The following FOXP1 variants were observed in gnomAD, a reference collection of about 807,000 sequenced individuals.
FOXP1 encodes forkhead box P1.
Under a neutral mutation model 98.2 loss-of-function variants are expected in FOXP1, and 15 were observed. The ratio of observed to expected loss-of-function variants is 0.15; its 90% CI spans 0.10 to 0.24. The LOEUF (loss-of-function observed/expected upper bound fraction) is 0.24. Among genes scored for constraint, FOXP1 ranks in the 10% least tolerant of loss-of-function variants. FOXP1 has a pLI of 1.00. For missense variants in FOXP1, 633 were observed against 848.5 expected (o/e 0.75, Z 3.15); for synonymous variants, 371 against 314.5 (o/e 1.18, Z -1.90).
chr3:71,541,017 C>A (rs2044762530), intron 2 of FOXP1, among the ~76,000 whole-genome samples: 1 of 152,200 alleles, frequency 6.6e-6, no homozygotes, highest in South Asian at 2.1e-4. Flanking sequence ...TTTCCTGCAG[C>A]CACTGAGGCA....
At chr3:71,142,827 A>G (rs2060133124) in intron 6 of FOXP1, among the ~76,000 whole-genome samples, 2 of 152,244 alleles carry the variant, frequency 1.3e-5, no homozygotes, top group Admixed American at 1.3e-4. Context: ...GTTATGCAAC[A>G]ACAAAAAACT....
chr3:71,514,405 C>A (rs910179837), intron 2 of FOXP1, among the ~76,000 whole-genome samples: 1 of 152,182 alleles, frequency 6.6e-6, no homozygotes, highest in Non-Finnish European at 1.5e-5. Flanking sequence ...TCCTGCACAC[C>A]CCTTCTAACC....
At chr3:71,314,694 G>A (rs1665992682) in intron 4 of FOXP1, among the ~76,000 whole-genome samples, 1 of 152,012 alleles carries the variant, frequency 6.6e-6, no homozygotes, top group African/African-American at 2.4e-5. Flanking sequence ...GTAGGTATAA[G>A]ATTGGGGTCT....
intron 4 of FOXP1, among the ~76,000 whole-genome samples, chr3:71,330,243 G>A (rs556892660): frequency 2.6e-5 from 4 of 152,052 alleles, no homozygotes; most frequent in Non-Finnish European, 4.4e-5. Context: ...TTGGGCAAAG[G>A]TTTTCTTAAC....
chr3:71,460,260 G>T (rs1184220447), intron 3 of FOXP1, among the ~76,000 whole-genome samples: 1 of 151,208 alleles, frequency 6.6e-6, no homozygotes, highest in East Asian at 1.9e-4. Context: ...TTTGTTTTTT[G>T]TGACAGTCTC....
intron 7 of FOXP1, among the ~76,000 whole-genome samples, chr3:71,070,327 C>G (rs1053558309): frequency 2.0e-5 from 3 of 152,144 alleles, no homozygotes; most frequent in Non-Finnish European, 4.4e-5. Context: ...ACCTGTATTA[C>G]TGTTGGGCAT....
Position 71,440,592 on chromosome 3 carries a change from C to T in FOXP1, c.-168+52834G>A, listed in dbSNP as rs114035370. Among the ~76,000 whole-genome samples the T allele has an allele frequency of 1.0e-2, 1,514 of 151,588 alleles. 26 individuals are homozygous for T. The highest frequency in any genetic ancestry group is 0.034 in the African/African-American group (1,411 of 41,278). On this transcript the variant is annotated intron_variant, in intron 3 of 20. Coordinates refer to ENST00000649528, the MANE Select transcript of FOXP1 (RefSeq NM_001349338.3). ...ACTTGGGAGCCTGAGGCAGAAGAAT[C>T]GGCTGAGGCAGAAGAATCACTTGAA...
chr3:71,475,929 GGA>G (rs1221073789), intron 3 of FOXP1, among the ~76,000 whole-genome samples: 1 of 150,918 alleles, frequency 6.6e-6, no homozygotes, highest in East Asian at 1.9e-4. Flanking sequence ...ACCTCTTCAT[GGA>G]GATCCACCAG....
chr3:71,044,302 T>G (rs932687810), intron 10 of FOXP1, among the ~76,000 whole-genome samples: 2 of 152,228 alleles, frequency 1.3e-5, no homozygotes, highest in African/African-American at 4.8e-5. Context: ...GCCAAGCATG[T>G]AATTTTCTGC....
chr3:71,212,884 A>G (rs2064598735), intron 5 of FOXP1, among the ~76,000 whole-genome samples: 1 of 151,846 alleles, frequency 6.6e-6, no homozygotes, highest in Non-Finnish European at 1.5e-5. Context: ...AGATTGTATC[A>G]TTTCAGAAAA....
intron 5 of FOXP1, among the ~76,000 whole-genome samples, chr3:71,235,669 C>T (rs1417621135): frequency 1.3e-5 from 2 of 152,062 alleles, no homozygotes; most frequent in African/African-American, 4.8e-5. Flanking sequence ...CAGGTTCAAG[C>T]GATTCTCCTA....
chr3:71,505,719 C>T (rs1211039705), intron 2 of FOXP1, among the ~76,000 whole-genome samples: 1 of 152,108 alleles, frequency 6.6e-6, no homozygotes, highest in Non-Finnish European at 1.5e-5. Context: ...GCCACTGCGC[C>T]CAGCCCTGAA....
At chr3:71,400,850 A>T (rs185399739) in intron 3 of FOXP1, among the ~76,000 whole-genome samples, 1 of 152,162 alleles carries the variant, frequency 6.6e-6, no homozygotes, top group Non-Finnish European at 1.5e-5. Flanking sequence ...TTTGAGGAAG[A>T]ATTAGAAAAT....
chr3:70,969,777 C>A (rs1198266947), intron 19 of FOXP1: 1 of 152,150 alleles, frequency 6.6e-6, no homozygotes, highest in African/African-American at 2.4e-5. Flanking sequence ...GTGATACAGC[C>A]CCCATTGAGA....
intron 6 of FOXP1, among the ~76,000 whole-genome samples, chr3:71,169,972 G>GA (rs995250812): frequency 6.6e-6 from 1 of 151,994 alleles, no homozygotes; most frequent in Non-Finnish European, 1.5e-5. Flanking sequence ...AATTAGCATT[G>GA]AAAAAAGAAA....
At chr3:71,426,430 T>C (rs960354360) in intron 3 of FOXP1, among the ~76,000 whole-genome samples, 8 of 152,098 alleles carry the variant, frequency 5.3e-5, no homozygotes, top group Non-Finnish European at 1.5e-5. Context: ...AGATTTAGTA[T>C]TAGGCAAAGA....
At position 71,172,384 on chromosome 3, in the gene FOXP1, G is replaced by A. The variant is rs1294550946; in HGVS notation, c.180+25818C>T. 3.9e-5 allele frequency among the ~76,000 whole-genome samples: 6 copies of A among 152,222 alleles called. No individual in the cohort carries two copies. The East Asian group carries it at 1.2e-3, about 29-fold the overall frequency. On this transcript the variant is annotated intron_variant, in intron 6 of 20. Transcript: ENST00000649528. ...ATGAAGGGTCTCGAGGGAATCCATC[G>A]GGTTTCAAAATATGTGAGAGTCTCA...
intron 4 of FOXP1, among the ~76,000 whole-genome samples, chr3:71,343,514 C>A (rs1189306310): frequency 7.1e-6 from 1 of 140,552 alleles, no homozygotes; most frequent in African/African-American, 2.6e-5. Context: ...AAGATAAGTT[C>A]TTTTTTTCCC....
At chr3:71,478,711 G>A (rs2090043095) in intron 3 of FOXP1, among the ~76,000 whole-genome samples, 1 of 152,196 alleles carries the variant, frequency 6.6e-6, no homozygotes, top group South Asian at 2.1e-4. Flanking sequence ...CTGTGTCAGT[G>A]GAAACAATGA....
Sources: allele counts gnomAD v4.1 joint callset (sites outside exome capture counted in the v4.1 genomes callset), GRCh38; gene constraint gnomAD v4.1.1; transcripts MANE v1.5; gene names NCBI Gene and HGNC (gene_info 2026-07-23, HGNC 2026-07-21).